NFIA: variants seen among roughly 807,000 people sequenced by gnomAD.
NFIA encodes nuclear factor I A.
Under a neutral mutation model 62.8 loss-of-function variants are expected in NFIA, and 8 were observed. The observed-to-expected ratio is 0.13, with a 90% CI of 0.07 to 0.23. The LOEUF (loss-of-function observed/expected upper bound fraction) is 0.23. Ranked by LOEUF, NFIA falls within the 10% of genes least tolerant of loss-of-function variation. The probability of loss-of-function intolerance (pLI) is 1.00; values close to 1 mark genes in which losing one functional copy is unlikely to be tolerated. For missense variants in NFIA, 410 were observed against 642.1 expected (o/e 0.64, Z 3.91); for synonymous variants, 235 against 238.1 (o/e 0.99, Z 0.12).
intron 2 of NFIA, among the ~76,000 whole-genome samples, chr1:61,137,951 C>T (rs1647234967): frequency 6.7e-6 from 1 of 149,894 alleles, no homozygotes; most frequent in African/African-American, 2.5e-5. Flanking sequence ...TCTCTCCCAC[C>T]TCTTTTTTTT....
intron 2 of NFIA, among the ~76,000 whole-genome samples, chr1:61,126,032 A>T (rs1228348547): frequency 1.3e-5 from 2 of 152,198 alleles, no homozygotes; most frequent in African/African-American, 4.8e-5. Context: ...CATCTGACTT[A>T]TGTATGAGTG....
chr1:61,280,859 G>T (rs182618719), intron 3 of NFIA, among the ~76,000 whole-genome samples: 1 of 152,202 alleles, frequency 6.6e-6, no homozygotes, highest in East Asian at 1.9e-4. Flanking sequence ...TCTGCCTCTG[G>T]AGTCAAAAAG....
chr1:61,329,295 C>G (rs1019347132), intron 3 of NFIA, among the ~76,000 whole-genome samples: 5 of 150,740 alleles, frequency 3.3e-5, no homozygotes, highest in Non-Finnish European at 5.9e-5. Flanking sequence ...ATCTGCCCAC[C>G]TCAGCCTCCC....
intron 2 of NFIA, among the ~76,000 whole-genome samples, chr1:61,274,440 T>C (rs1247966609): frequency 2.0e-5 from 3 of 152,202 alleles, no homozygotes; most frequent in African/African-American, 7.2e-5. Flanking sequence ...TTAAACACAG[T>C]GTAAGTAAAA....
intron 7 of NFIA, among the ~76,000 whole-genome samples, chr1:61,392,006 C>T (rs772363461): frequency 1.4e-4 from 22 of 152,170 alleles, no homozygotes; most frequent in Non-Finnish European, 3.1e-4. Context: ...GCAAACATTA[C>T]GTTGCCTTTC....
At chr1:61,290,193 T>C (rs1468305904) in intron 3 of NFIA, among the ~76,000 whole-genome samples, 1 of 152,176 alleles carries the variant, frequency 6.6e-6, no homozygotes, top group African/African-American at 2.4e-5. Context: ...AGGTGGAGAC[T>C]ATAAAATGAG....
chr1:61,115,485 T>C (rs1646779551), intron 2 of NFIA, among the ~76,000 whole-genome samples: 1 of 152,170 alleles, frequency 6.6e-6, no homozygotes, highest in South Asian at 2.1e-4. Flanking sequence ...GATTCTGAGC[T>C]GGAGAGAATG....
chr1:61,225,387 A>G (rs968716224), intron 2 of NFIA, among the ~76,000 whole-genome samples: 2 of 151,748 alleles, frequency 1.3e-5, no homozygotes, highest in African/African-American at 4.8e-5. Flanking sequence ...AGTAGCTGGG[A>G]CTACAGGTGC....
chr1:61,210,274 G>GC (rs1232194688), intron 2 of NFIA, among the ~76,000 whole-genome samples: 6 of 152,114 alleles, frequency 3.9e-5, no homozygotes, highest in African/African-American at 9.7e-5. Flanking sequence ...TCTTCACATT[G>GC]CCCCTGTGAT....
At chr1:61,442,580 A>G (rs903339594) in intron 10 of NFIA, among the ~76,000 whole-genome samples, 1 of 152,180 alleles carries the variant, frequency 6.6e-6, no homozygotes, top group South Asian at 2.1e-4. Context: ...AAAAAAAAAA[A>G]GTAACATTAG....
intron 9 of NFIA, among the ~76,000 whole-genome samples, chr1:61,411,334 G>A (rs940731099): frequency 1.3e-5 from 2 of 152,096 alleles, no homozygotes; most frequent in South Asian, 2.1e-4. Context: ...AAGTGGGGGT[G>A]GGGCAAGAAT....
chr1:61,297,440 T>G (rs151025310), intron 3 of NFIA, among the ~76,000 whole-genome samples: 1 of 152,140 alleles, frequency 6.6e-6, no homozygotes, highest in Admixed American at 6.6e-5. Flanking sequence ...AACAGAAAAA[T>G]AGCCCCATTA....
At chr1:61,243,214 T>C (rs1655449324) in intron 2 of NFIA, among the ~76,000 whole-genome samples, 1 of 152,208 alleles carries the variant, frequency 6.6e-6, no homozygotes, top group Admixed American at 6.5e-5. Flanking sequence ...TTCATTAAGA[T>C]GCTTCAGTTC....
intron 10 of NFIA, among the ~76,000 whole-genome samples, chr1:61,432,197 T>C (rs1285047733): frequency 6.7e-6 from 1 of 148,870 alleles, no homozygotes; most frequent in East Asian, 2.0e-4. Flanking sequence ...CCTAATGATA[T>C]GGTTCTTGTA....
chr1:61,109,449 A>G (rs1646658612), intron 2 of NFIA, among the ~76,000 whole-genome samples: 1 of 151,818 alleles, frequency 6.6e-6, no homozygotes, highest in Non-Finnish European at 1.5e-5. Context: ...AGCCAGGCAA[A>G]AGTTAGGCAG....
rs371565381 is a variant in NFIA, at chr1:61,129,834, A to G, written c.559+41154A>G. Reference sequence around the variant, plus strand: ...ATTCTCCAAAGGGAACTTTAGAGATAACAAATATGTTAAAAATATCGAATA... The same window carrying G: ...ATTCTCCAAAGGGAACTTTAGAGATGACAAATATGTTAAAAATATCGAATA... On this transcript the variant is annotated intron_variant, in intron 2 of 10. Coordinates refer to ENST00000403491, the MANE Select transcript of NFIA (RefSeq NM_001134673.4). 2.0e-5 allele frequency among the ~76,000 whole-genome samples: 3 copies of G among 152,188 alleles called. No individual in the cohort carries two copies. The East Asian group carries it at 5.8e-4, about 29-fold the overall frequency.
chr1:61,224,347 A>C (rs1242121239), intron 2 of NFIA, among the ~76,000 whole-genome samples: 2 of 152,146 alleles, frequency 1.3e-5, no homozygotes, highest in African/African-American at 4.8e-5. Flanking sequence ...AGATTTAAAT[A>C]TGTATGCATA....
chr1:61,414,220 C>A (rs772466726), intron 9 of NFIA, among the ~76,000 whole-genome samples: 19 of 151,870 alleles, frequency 1.3e-4, no homozygotes, highest in Non-Finnish European at 2.8e-4. Flanking sequence ...TGGCCTCAAG[C>A]GGTCCACCTG....
At chr1:61,321,959 G>A (rs1050863478) in intron 3 of NFIA, among the ~76,000 whole-genome samples, 2 of 152,116 alleles carry the variant, frequency 1.3e-5, no homozygotes, top group South Asian at 2.1e-4. Context: ...TGCAGGAATT[G>A]GTGAAAAGAT....
Sources: gnomAD v4.1 joint callset for allele counts (sites outside exome capture counted in the v4.1 genomes callset) on GRCh38, gnomAD v4.1.1 for gene constraint, MANE v1.5 for transcripts, NCBI Gene and HGNC (gene_info 2026-07-23, HGNC 2026-07-21) for gene names.